The following FHIT variants were observed in gnomAD, a reference collection of about 807,000 sequenced individuals.
FHIT encodes the protein fragile histidine triad diadenosine triphosphatase.
In FHIT, 19 loss-of-function variants were observed where a neutral mutation model predicts 17.9. The observed-to-expected ratio is 1.06, with a 90% confidence interval of 0.74 to 1.56. FHIT has a LOEUF of 1.56. Among genes scored for constraint, FHIT ranks in the 40% most tolerant of loss-of-function variants. The probability of loss-of-function intolerance (pLI) is 0.00; values close to 1 mark genes in which losing one functional copy is unlikely to be tolerated. For missense variants in FHIT, 248 were observed against 189.2 expected (o/e 1.31, Z -1.82); for synonymous variants, 81 against 69.7 (o/e 1.16, Z -0.81).
chr3:60,035,438 T>G (rs967922766), intron 5 of FHIT, among the ~76,000 whole-genome samples: 16 of 152,180 alleles, frequency 1.1e-4, no homozygotes, highest in African/African-American at 3.6e-4. Flanking sequence ...AGGTTTCACC[T>G]TGTTGGCCAG....
intron 5 of FHIT, among the ~76,000 whole-genome samples, chr3:60,286,404 T>A (rs1707731954): frequency 6.6e-6 from 1 of 152,198 alleles, no homozygotes; most frequent in Admixed American, 6.5e-5. Flanking sequence ...ACGTATCTTT[T>A]ATCTCAGAAT....
chr3:60,318,313 C>A (rs1346999966), intron 5 of FHIT, among the ~76,000 whole-genome samples: 4 of 152,122 alleles, frequency 2.6e-5, no homozygotes, highest in African/African-American at 9.7e-5. Context: ...TGCTCGATTT[C>A]TGATCATTTT....
chr3:60,705,675 T>C (rs141901155), intron 4 of FHIT, among the ~76,000 whole-genome samples: 15 of 152,312 alleles, frequency 9.8e-5, no homozygotes, highest in African/African-American at 3.6e-4. Flanking sequence ...AAGAACATAC[T>C]CCTGTAGGTG....
intron 3 of FHIT, among the ~76,000 whole-genome samples, chr3:61,029,021 C>T (rs1443906520): frequency 6.6e-6 from 1 of 152,122 alleles, no homozygotes; most frequent in Non-Finnish European, 1.5e-5. Context: ...TAGACCAAGG[C>T]TCTTCCAGAA....
At chr3:59,984,395 G>GC (rs138373635) in intron 7 of FHIT, among the ~76,000 whole-genome samples, 14,676 of 129,822 alleles carry the variant, frequency 0.11, 893 homozygotes, top group Admixed American at 0.17. Context: ...CAAATCCACT[G>GC]GGGGGGGCTC....
At chr3:60,688,092 GC>G (rs2107877750) in intron 4 of FHIT, among the ~76,000 whole-genome samples, 1 of 151,862 alleles carries the variant, frequency 6.6e-6, no homozygotes, top group African/African-American at 2.4e-5. Flanking sequence ...GTTAGATTTT[GC>G]TTTTTAGCTG....
intron 4 of FHIT, among the ~76,000 whole-genome samples, chr3:60,778,413 G>C (rs1263093530): frequency 6.6e-6 from 1 of 152,152 alleles, no homozygotes. Flanking sequence ...TGAAATACAG[G>C]AAAATGTACA....
intron 5 of FHIT, among the ~76,000 whole-genome samples, chr3:60,134,314 C>T (rs1412281633): frequency 6.6e-6 from 1 of 152,168 alleles, no homozygotes; most frequent in Non-Finnish European, 1.5e-5. Flanking sequence ...CACTTAGTCG[C>T]AGAGACATCT....
intron 3 of FHIT, among the ~76,000 whole-genome samples, chr3:60,951,604 A>G (rs1708887988): frequency 6.6e-6 from 1 of 152,212 alleles, no homozygotes; most frequent in African/African-American, 2.4e-5. Flanking sequence ...ACCCTATCAT[A>G]TGCTTAACCC....
At chr3:61,061,465 GA>G (rs2034426968) in intron 2 of FHIT, among the ~76,000 whole-genome samples, 1 of 151,352 alleles carries the variant, frequency 6.6e-6, no homozygotes, top group South Asian at 2.1e-4. Context: ...CTAGACTCTG[GA>G]TGCCTAGGGT....
At chr3:60,193,946 C>A (rs570745989) in intron 5 of FHIT, among the ~76,000 whole-genome samples, 7 of 152,002 alleles carry the variant, frequency 4.6e-5, no homozygotes, top group African/African-American at 1.7e-4. Flanking sequence ...GTATCATAGA[C>A]GACACAAATG....
chr3:60,215,287 C>G lies in FHIT; in HGVS notation c.104-201135G>C, dbSNP rs140717516. Among the ~76,000 whole-genome samples, 863 of 152,190 alleles carry G rather than the reference C, an allele frequency of 5.7e-3. 7 individuals carry two copies. The highest frequency in any genetic ancestry group is 0.02 in the African/African-American group (832 of 41,522). ...CAAGTGGATCATGAGGTCAGGACTT[C>G]GAGACCAGCCTGGCCAATATGGTGA... On this transcript the variant is annotated intron_variant, in intron 5 of 9. Coordinates refer to ENST00000492590, the MANE Select transcript of FHIT (RefSeq NM_002012.4).
At chr3:60,132,082 G>C (rs568044130) in intron 5 of FHIT, among the ~76,000 whole-genome samples, 1 of 152,020 alleles carries the variant, frequency 6.6e-6, no homozygotes, top group Non-Finnish European at 1.5e-5. Context: ...TTCTACAGTC[G>C]GACCTTCACA....
At position 60,178,946 on chromosome 3, in the gene FHIT, C is replaced by T. The variant is rs545787701; in HGVS notation, c.104-164794G>A. ...TTCCCTTTGTTCTTTATATAAAATA[C>T]GTATTACCATCTCATATTCAGAGCC... On this transcript the variant is annotated intron_variant, in intron 5 of 9. Coordinates refer to ENST00000492590, the MANE Select transcript of FHIT (RefSeq NM_002012.4). Among the ~76,000 whole-genome samples, 176 of 152,124 alleles carry T rather than the reference C, an allele frequency of 1.2e-3. 2 individuals are homozygous for T. The highest frequency in any genetic ancestry group is 1.4e-3 in the African/African-American group (60 of 41,518).
intron 4 of FHIT, among the ~76,000 whole-genome samples, chr3:60,667,748 A>AAC (rs34999446): frequency 0.85 from 129,630 of 152,012 alleles, 55,419 homozygotes; most frequent in African/African-American, 0.89. Flanking sequence ...CTTTCGTTGT[A>AAC]AGTCAGTAAC....
intron 4 of FHIT, among the ~76,000 whole-genome samples, chr3:60,583,239 A>C (rs1165751833): frequency 6.6e-6 from 1 of 151,982 alleles, no homozygotes; most frequent in Admixed American, 6.6e-5. Flanking sequence ...TTTCTTATGC[A>C]AACCCTTTCC....
chr3:61,112,301 G>A (rs929262320), intron 2 of FHIT, among the ~76,000 whole-genome samples: 2 of 151,056 alleles, frequency 1.3e-5, no homozygotes, highest in Non-Finnish European at 2.9e-5. Flanking sequence ...CTGTGCCTGG[G>A]AATATGGGTA....
chr3:60,175,843 T>C (rs577699165), intron 5 of FHIT, among the ~76,000 whole-genome samples: 1 of 152,232 alleles, frequency 6.6e-6, no homozygotes, highest in African/African-American at 2.4e-5. Context: ...TCATTACTGT[T>C]AACTACCCTA....
intron 2 of FHIT, among the ~76,000 whole-genome samples, chr3:61,060,228 G>A (rs923731047): frequency 3.9e-5 from 6 of 152,102 alleles, no homozygotes; most frequent in African/African-American, 1.4e-4. Context: ...GAAGTTTGAT[G>A]GTATAGTTGT....
Sources: gnomAD v4.1 joint callset for allele counts (sites outside exome capture counted in the v4.1 genomes callset) on GRCh38, gnomAD v4.1.1 for gene constraint, MANE v1.5 for transcripts, NCBI Gene and HGNC (gene_info 2026-07-23, HGNC 2026-07-21) for gene names.